The following ADAM9 variants were observed in gnomAD, a reference collection of about 807,000 sequenced individuals.
ADAM9 encodes ADAM metallopeptidase domain 9, also known as disintegrin and metalloproteinase domain-containing protein 9.
A neutral mutation model predicts 108.1 loss-of-function variants in ADAM9; 54 were observed. The ratio of observed to expected loss-of-function variants is 0.50; its 90% CI spans 0.40 to 0.63. The LOEUF (loss-of-function observed/expected upper bound fraction) is 0.63, where lower values mean the gene tolerates loss of function less well. Among genes scored for constraint, ADAM9 ranks in the 20% least tolerant of loss-of-function variants. ADAM9 has a pLI of 0.00. For synonymous variants in ADAM9, 316 were observed against 336.0 expected, an observed-to-expected ratio of 0.94 and a Z score of 0.65; for missense variants, 830 against 997.7, an observed-to-expected ratio of 0.83 and a Z score of 2.26.
At chr8:39,074,304 C>T (rs765213078) in intron 15 of ADAM9, among the ~76,000 whole-genome samples, 3 of 152,026 alleles carry the variant, frequency 2.0e-5, no homozygotes, top group Admixed American at 6.6e-5. Context: ...TTTCCTTTCA[C>T]TAAAAGGGTT....
chr8:39,088,883 G>A (rs1467323047), intron 18 of ADAM9, among the ~76,000 whole-genome samples: 2 of 151,992 alleles, frequency 1.3e-5, no homozygotes, highest in Non-Finnish European at 1.5e-5. Context: ...TAGAAATTAA[G>A]AAGAAAAAAG....
At chr8:39,088,065 A>G (rs1444951384) in intron 18 of ADAM9, among the ~76,000 whole-genome samples, 1 of 152,194 alleles carries the variant, frequency 6.6e-6, no homozygotes, top group Non-Finnish European at 1.5e-5. Context: ...GAAGTAGATT[A>G]TCATAAAGAC....
intron 11 of ADAM9, among the ~76,000 whole-genome samples, chr8:39,031,954 C>A (rs1452280099): frequency 6.6e-6 from 1 of 152,160 alleles, no homozygotes; most frequent in African/African-American, 2.4e-5. Flanking sequence ...CACTCCAGAC[C>A]CTTTTTGCCT....
chr8:39,083,580 A>G (rs748399785), intron 18 of ADAM9, among the ~76,000 whole-genome samples: 2 of 152,104 alleles, frequency 1.3e-5, no homozygotes, highest in Non-Finnish European at 2.9e-5. Context: ...ATACCGTATT[A>G]TTTTCACATT....
chr8:39,049,017 T>A (rs575057671), intron 12 of ADAM9, among the ~76,000 whole-genome samples: 219 of 132,166 alleles, frequency 1.7e-3, no homozygotes, highest in African/African-American at 4.0e-3. Context: ...TTTTTTTTTT[T>A]ATCCATTCAG....
chr8:39,096,179 T>C (rs1839499264), intron 20 of ADAM9, among the ~76,000 whole-genome samples: 1 of 128,138 alleles, frequency 7.8e-6, no homozygotes. Context: ...ATCAGGGTAA[T>C]TGGGATAGTC....
intron 8 of ADAM9, 23 bp from the exon 9 acceptor site, chr8:39,023,133 T>G: frequency 2.5e-6 from 4 of 1,590,294 alleles, no homozygotes; most frequent in Non-Finnish European, 3.4e-6. Flanking sequence ...ATATTTTATA[T>G]ACTTTTATTT....
intron 2 of ADAM9, among the ~76,000 whole-genome samples, chr8:39,010,772 A>G (rs1427149893): frequency 6.6e-6 from 1 of 152,098 alleles, no homozygotes; most frequent in East Asian, 1.9e-4. Flanking sequence ...CAATTGTGAG[A>G]CACACCATAT....
chr8:39,026,959 C>CT (rs376324160), intron 11 of ADAM9, 149 bp downstream of exon 11: 71,971 of 708,826 alleles, frequency 0.1, 260 homozygotes, highest in South Asian at 0.18. Context: ...AATGAGAAGT[C>CT]TTTTTTTTTT....
intron 2 of ADAM9, among the ~76,000 whole-genome samples, chr8:39,008,690 C>A (rs1232673167): frequency 1.3e-5 from 2 of 152,106 alleles, no homozygotes; most frequent in Non-Finnish European, 2.9e-5. Context: ...TATACTATAT[C>A]TTCACTGACG....
intron 14 of ADAM9, among the ~76,000 whole-genome samples, chr8:39,066,663 A>G (rs891584059): frequency 7.2e-5 from 11 of 152,200 alleles, no homozygotes; most frequent in African/African-American, 2.7e-4. Context: ...CCTTTGTTAG[A>G]TGAGTAGATT....
intron 13 of ADAM9, among the ~76,000 whole-genome samples, chr8:39,055,243 A>G (rs1463829129): frequency 1.3e-5 from 2 of 152,164 alleles, no homozygotes; most frequent in Non-Finnish European, 2.9e-5. Flanking sequence ...CTATACTTCT[A>G]CCAACAGTAT....
In ADAM9 at chr8:39,104,146, G is replaced by T; in HGVS notation, c.*446G>T. 4.4e-6 allele frequency: 2 copies of T among 454,724 alleles called. No individual in the cohort carries two copies. Among genetic ancestry groups the T allele is most frequent in the South Asian group, 3.1e-5 (2 of 64,408 alleles). 28.2% of individuals were successfully genotyped at this position (454,724 alleles called of 1,614,324 possible). ...ACCTGTGAAAACTGACTAATCAGCT[G>T]CCAATAATATCTAATATTTTTCATC... On this transcript the variant is annotated 3_prime_UTR_variant, in exon 22 of 22. Transcript: ENST00000487273.
In ADAM9 at chr8:39,061,190, T is replaced by G. The variant is rs182789199; in HGVS notation, c.1591+5418T>G. ...ATGTGGTATTGCTTTTGGCTTACTA[T>G]TTTCCTAGGTAGAGGCAGTTCTAGT... is the stretch of plus-strand genomic sequence containing the variant. On this transcript the variant is annotated intron_variant, in intron 14 of 21. Transcript: ENST00000487273. Among the ~76,000 whole-genome samples, 8 of 152,346 alleles carry G rather than the reference T, an allele frequency of 5.3e-5. No homozygotes were observed. In the East Asian group the frequency reaches 1.5e-3, roughly 29 times the overall value.
chr8:39,028,013 A>G (rs7818256), intron 11 of ADAM9, among the ~76,000 whole-genome samples: 6,318 of 152,254 alleles, frequency 0.041, 450 homozygotes, highest in African/African-American at 0.14. Flanking sequence ...ACTTGAGCCC[A>G]GGAGTTCAAG....
intron 12 of ADAM9, among the ~76,000 whole-genome samples, chr8:39,051,943 C>T (rs530877133): frequency 4.4e-4 from 67 of 152,072 alleles, no homozygotes; most frequent in African/African-American, 1.5e-3. Context: ...ACATACACAC[C>T]TCATGTGTAT....
chr8:39,090,082 T>A lies in ADAM9; in HGVS notation c.2104T>A (p.Phe702Ile), dbSNP rs568176855. The A allele has an allele frequency of 1.2e-6, 2 of 1,613,964 alleles. No individual in the cohort carries two copies. The highest frequency in any genetic ancestry group is 1.7e-6 in the Non-Finnish European group (2 of 1,179,920). ...TGCATTGAGGGACGGACTTCTGGTC[T>A]TCTTCTTCCTAATTGTTCCCCTTAT... Reference protein sequence around the residue: ...NTALRDGLLVFFFLIVPLIVC... With the variant: ...NTALRDGLLVIFFLIVPLIVC... The change falls in exon 19 of 22, where the codon TTC (phenylalanine) becomes ATC (isoleucine). Residue 702 changes from phenylalanine to isoleucine, a missense_variant. By Grantham distance (21) the Phe-to-Ile change is conservative. Around this residue, in one of 3 missense-constraint regions of ADAM9, gnomAD observed 238 missense variants for 235.7 expected, o/e 1.01. Transcript: ENST00000487273.
intron 12 of ADAM9, among the ~76,000 whole-genome samples, chr8:39,050,830 GTTTT>G (rs58115667): frequency 1.9e-4 from 16 of 85,232 alleles, no homozygotes; most frequent in Admixed American, 5.4e-4. Flanking sequence ...GCTTGGAAGT[GTTTT>G]TTTTTTTTTT....
chr8:39,047,032 G>A (rs1414253184), intron 12 of ADAM9, among the ~76,000 whole-genome samples: 1 of 152,208 alleles, frequency 6.6e-6, no homozygotes, highest in African/African-American at 2.4e-5. Flanking sequence ...GACGCCCAGA[G>A]TGCTGGGATT....
Sources: gnomAD v4.1 joint callset for allele counts (sites outside exome capture counted in the v4.1 genomes callset) on GRCh38, gnomAD v4.1.1 for gene constraint, gnomAD v4.1.1 regional missense constraint, MANE v1.5 for transcripts, NCBI Gene and HGNC (gene_info 2026-07-23, HGNC 2026-07-21) for gene names.